LRP1: variants seen among roughly 807,000 people sequenced by gnomAD.
The protein encoded by LRP1 is prolow-density lipoprotein receptor-related protein 1.
In LRP1, 51 loss-of-function variants were observed where a neutral mutation model predicts 541.5. The observed-to-expected ratio is 0.09, with a 90% CI of 0.08 to 0.12. LRP1 has a LOEUF of 0.12. Ranked by LOEUF, LRP1 falls within the 10% of genes least tolerant of loss-of-function variation. LRP1 has a pLI of 1.00. For missense variants in LRP1, 3,878 were observed against 6,376.2 expected, an observed-to-expected ratio of 0.61 and a Z score of 13.34; for synonymous variants, 2,219 against 2,470.8, an observed-to-expected ratio of 0.90 and a Z score of 3.02.
chr12:57,173,389 T>C lies in LRP1; in HGVS notation c.3346+39T>C, dbSNP rs766369936. On this transcript the variant is annotated intron_variant, in intron 21 of 88. Transcript: ENST00000243077. This position sits in a 1 kb window ranked among gnomAD's most constrained non-coding sequence, Gnocchi z 4.7. ...TTGGAGGGCGTCTGGAACAGCACAA[T>C]GTGGGCAGGAGGAGACCGTGTTGAG... is the stretch of plus-strand genomic sequence containing the variant. The C allele has an allele frequency of 3.8e-5, 61 of 1,595,594 alleles. No individual in the cohort carries two copies. The South Asian group carries it at 6.5e-4, about 17-fold the overall frequency.
Position 57,160,819 on chromosome 12 carries a change from C to T in LRP1, c.1980-74C>T. ...CTGTGAGGAGCTCTGGGACAGCACT[C>T]ATGGATTGGGATCACAGGGGAGGCT... is the stretch of plus-strand genomic sequence containing the variant. On this transcript the variant is annotated intron_variant, in intron 12 of 88. Transcript: ENST00000243077. 8 of 1,162,812 alleles carry T rather than the reference C, an allele frequency of 6.9e-6. No homozygotes were observed. The Admixed American group carries it at 7.0e-5, about 10-fold the overall frequency. The allele number at this position is 1,162,812 out of a possible 1,614,324, so 72.0% of individuals were successfully genotyped here. A position where few individuals can be genotyped will look rare whatever the true frequency, so the allele number is the denominator to read the frequency against.
Position 57,128,723 on chromosome 12 carries a change from G to C in LRP1, c.-242G>C. 1 of 418,984 alleles carries C rather than the reference G, an allele frequency of 2.4e-6. No individual in the cohort carries two copies. The highest frequency in any genetic ancestry group is 4.2e-6 in the Non-Finnish European group (1 of 235,318). The allele number at this position is 418,984 out of a possible 1,614,324, so 26.0% of individuals were successfully genotyped here. A position where few individuals can be genotyped will look rare whatever the true frequency, so the allele number is the denominator to read the frequency against. ...AGAGCAGCGAGGAGTGAAGCGGGGG[G>C]GTGGGGTGAAGGGTTTGGATTTCGG... On this transcript the variant is annotated 5_prime_UTR_variant, in exon 1 of 89. Transcript: ENST00000243077.
rs749692161 is a variant in LRP1, at chr12:57,185,464, G to A, written c.6464-67G>A. ...AGGGCAGAGCTTTCGCCAAAGCCTG[G>A]ATGACAAAGGCACCAGTGAGCCTTT... On this transcript the variant is annotated intron_variant, in intron 40 of 88. Coordinates refer to ENST00000243077, the MANE Select transcript of LRP1 (RefSeq NM_002332.3). This position sits in a 1 kb window ranked among gnomAD's most constrained non-coding sequence, Gnocchi z 4.9. 3 of 1,507,166 alleles carry A rather than the reference G, an allele frequency of 2.0e-6. No individual in the cohort carries two copies. The South Asian group carries it at 3.9e-5, about 20-fold the overall frequency. 93.4% of individuals were successfully genotyped at this position (1,507,166 alleles called of 1,614,324 possible).
chr12:57,208,617 G>C, intron 77 of LRP1, 94 bp from the exon 78 acceptor site: 2 of 732,396 alleles, frequency 2.7e-6, no homozygotes, highest in Non-Finnish European at 2.4e-6. Flanking sequence ...GTCCCCAGCA[G>C]TCCCTGTCCC....
chr12:57,177,707 G>A lies in LRP1; in HGVS notation c.4361+116G>A, dbSNP rs1285584518. The stretch of plus-strand genomic sequence containing the variant: ...ACCAAGGGATCTAGAACTAGGAACG[G>A]TGGCAAAGGACTGGGCACAGGAGGA... On this transcript the variant is annotated intron_variant, in intron 26 of 88. Transcript: ENST00000243077. This position sits in a 1 kb window ranked among gnomAD's most constrained non-coding sequence, Gnocchi z 6.8. The A allele has an allele frequency of 7.9e-7, 1 of 1,262,716 alleles. No individual in the cohort carries two copies. The highest frequency in any genetic ancestry group is 1.1e-6 in the Non-Finnish European group (1 of 907,644). The allele number at this position is 1,262,716 out of a possible 1,614,324, so 78.2% of individuals were successfully genotyped here.
Position 57,193,675 on chromosome 12 carries a change from C to T in LRP1, c.7794C>T (p.Ile2598=). The T allele has an allele frequency of 6.2e-7, 1 of 1,614,142 alleles. No individual in the cohort carries two copies. Among genetic ancestry groups the T allele is most frequent in the South Asian group, 1.1e-5 (1 of 91,086 alleles). ...ADDCGDGSDE[I]PCNKTACGVG... is the part of the protein sequence containing the mutation. Reference sequence around the variant, plus strand: ...ACTGTGGGGATGGCTCTGACGAGATCCCTTGCAACAGTGAGTGAGGCGCAC... The same window carrying T: ...ACTGTGGGGATGGCTCTGACGAGATTCCTTGCAACAGTGAGTGAGGCGCAC... Residue 2598 remains isoleucine, a synonymous_variant, in exon 47 of 89, where the codon ATC becomes ATT. Coordinates refer to ENST00000243077, the MANE Select transcript of LRP1 (RefSeq NM_002332.3).
intron 2 of LRP1, among the ~76,000 whole-genome samples, chr12:57,139,613 T>C (rs952664608): frequency 1.8e-4 from 27 of 152,182 alleles, no homozygotes; most frequent in African/African-American, 6.5e-4. Flanking sequence ...CCTCACCTTA[T>C]ATGCATTACC....
intron 3 of LRP1, among the ~76,000 whole-genome samples, chr12:57,142,690 G>T (rs956599371): frequency 6.6e-6 from 1 of 151,982 alleles, no homozygotes; most frequent in Admixed American, 6.5e-5. Flanking sequence ...TACAGAAATC[G>T]GCCTCCTCAT....
chr12:57,166,341 G>T (rs931487410), intron 17 of LRP1, 132 bp downstream of exon 17: 22 of 1,255,104 alleles, frequency 1.8e-5, no homozygotes, highest in Non-Finnish European at 2.4e-5. Context: ...GATCACTTGA[G>T]CCCAGGAGCT....
chr12:57,195,177 G>A, intron 51 of LRP1, 76 bp downstream of exon 51: 8 of 1,588,232 alleles, frequency 5.0e-6, no homozygotes, highest in Non-Finnish European at 6.0e-6. Flanking sequence ...CCCACACACA[G>A]ACACCCCTGC....
At position 57,165,890 on chromosome 12, in the gene LRP1, G is replaced by A. The variant is rs1339894386; in HGVS notation, c.2616G>A (p.Lys872=). ...ANSRCIQERW[K]CDGDNDCLDN... is the part of the protein sequence containing the mutation. ...GCCGCTGCATCCAGGAGCGCTGGAA[G>A]TGTGACGGAGACAACGATTGCCTGG... Residue 872 remains lysine, a synonymous_variant, in exon 16 of 89, where the codon AAG becomes AAA. Transcript: ENST00000243077. The surrounding 1 kb of genome is among the most constrained non-coding windows in gnomAD (Gnocchi z 4.5). 1.2e-6 allele frequency: 2 copies of A among 1,614,252 alleles called. No homozygotes were observed. The highest frequency in any genetic ancestry group is 1.7e-6 in the Non-Finnish European group (2 of 1,180,050).
Position 57,154,456 on chromosome 12 carries a change from A to T in LRP1, c.1005-23A>T. 2 of 1,610,850 alleles carry T rather than the reference A, an allele frequency of 1.2e-6. No individual in the cohort carries two copies. The highest frequency in any genetic ancestry group is 1.7e-6 in the Non-Finnish European group (2 of 1,177,210). On this transcript the variant is annotated intron_variant, in intron 7 of 88. Transcript: ENST00000243077. The surrounding 1 kb of genome is among the most constrained non-coding windows in gnomAD (Gnocchi z 4.6). ...GGAGGGTGCCCAATGTCCAGACCCC[A>T]TTTAACATGCATCTTCCCACAGGAA...
chr12:57,199,782 T>C, intron 61 of LRP1, 95 bp from the exon 62 acceptor site: 1 of 1,425,584 alleles, frequency 7.0e-7, no homozygotes, highest in Non-Finnish European at 9.4e-7. Flanking sequence ...GAGGCAGGGT[T>C]CAGACCCACC....
rs754963165 is a variant in LRP1, at chr12:57,175,692, C to T, written c.3780C>T (p.Ser1260=). 2 of 1,569,468 alleles carry T rather than the reference C, an allele frequency of 1.3e-6. No individual in the cohort carries two copies. The highest frequency in any genetic ancestry group is 3.5e-5 in the Admixed American group (2 of 57,352). The change falls in exon 23 of 89, where the codon AGC becomes AGT. Residue 1260 remains serine (S), a synonymous_variant. Transcript: ENST00000243077. The stretch of plus-strand genomic sequence containing the variant: ...GGGTCCTGGAACCTGACGGCGAGAG[C>T]TGCCGCAGCCTGGGTGAGACAACAG... The part of the protein sequence containing the change: ...EGWVLEPDGE[S]CRSLDPFKPF...
intron 6 of LRP1, among the ~76,000 whole-genome samples, chr12:57,151,407 GC>G (rs2035523272): frequency 6.6e-6 from 1 of 152,032 alleles, no homozygotes; most frequent in South Asian, 2.1e-4. Context: ...CTGCCCCTCT[GC>G]CCCTAGACCA....
Position 57,183,343 on chromosome 12 carries a change from G to A in LRP1, c.5663-36G>A. On this transcript the variant is annotated intron_variant, in intron 34 of 88. Transcript: ENST00000243077. This position sits in a 1 kb window ranked among gnomAD's most constrained non-coding sequence, Gnocchi z 6.1. ...CAGGAACCAAGTTTAAGGGAGTGTT[G>A]GCGATACCCATGCCTTAAGTTTCCT... 6.3e-7 allele frequency: 1 copy of A among 1,585,352 alleles called. No homozygotes were observed. Among genetic ancestry groups the A allele is most frequent in the Non-Finnish European group, 8.6e-7 (1 of 1,158,966 alleles).
rs777304146 is a variant in LRP1, at chr12:57,194,989, G to C, written c.8196G>C (p.Lys2732Asn). 1 of 1,613,694 alleles carries C rather than the reference G, an allele frequency of 6.2e-7. No individual in the cohort carries two copies. The highest frequency in any genetic ancestry group is 1.7e-5 in the Admixed American group (1 of 60,020). ...EHGEDETHCNKFCSEAQFECQ... is the reference protein window; with the variant it reads ...EHGEDETHCNNFCSEAQFECQ... ...TGTGGCTTCTGACTGCCCCAGACAA[G>C]TTCTGCTCAGAGGCCCAGTTTGAGT... is the stretch of plus-strand genomic sequence containing the variant. The change falls in exon 51 of 89, where the codon AAG becomes AAC. Residue 2732 changes from lysine to asparagine, a missense_variant. Transcript: ENST00000243077.
At position 57,178,554 on chromosome 12, in the gene LRP1, C is replaced by T. The variant is rs751495305; in HGVS notation, c.4557C>T (p.Asn1519=). ...ATGTCACCGTGGTACAGAGGACCAA[C>T]ACCCAGCCCTTTGACCTGCAGGTGT... is the stretch of plus-strand genomic sequence containing the variant. The part of the protein sequence containing the change: ...GHNVTVVQRT[N]TQPFDLQVYH... The change falls in exon 27 of 89, where the codon AAC becomes AAT. Residue 1519 remains asparagine, a synonymous_variant. Coordinates refer to ENST00000243077, the MANE Select transcript of LRP1 (RefSeq NM_002332.3). The surrounding 1 kb of genome is among the most constrained non-coding windows in gnomAD (Gnocchi z 5.8). 2.5e-6 allele frequency: 4 copies of T among 1,614,110 alleles called. No individual in the cohort carries two copies. Among genetic ancestry groups the T allele is most frequent in the Admixed American group, 1.7e-5 (1 of 60,012 alleles).
In LRP1 at chr12:57,183,658, T is replaced by C. The variant is rs2036210897; in HGVS notation, c.5795-117T>C. The C allele has an allele frequency of 2.7e-6, 4 of 1,502,296 alleles. No homozygotes were observed. The highest frequency in any genetic ancestry group is 9.0e-7 in the Non-Finnish European group (1 of 1,109,812). The allele number at this position is 1,502,296 out of a possible 1,614,324, so 93.1% of individuals were successfully genotyped here. A position where few individuals can be genotyped will look rare whatever the true frequency, so the allele number is the denominator to read the frequency against. ...CTGCCACCCTGACTCCACCTCCCCTTCAAGCACCTGGCCCCTCCGGCACTC... is the reference window on the plus strand; with the variant it reads ...CTGCCACCCTGACTCCACCTCCCCTCCAAGCACCTGGCCCCTCCGGCACTC... On this transcript the variant is annotated intron_variant, in intron 35 of 88. Coordinates refer to ENST00000243077, the MANE Select transcript of LRP1 (RefSeq NM_002332.3). This position sits in a 1 kb window ranked among gnomAD's most constrained non-coding sequence, Gnocchi z 6.1.
Sources: gnomAD v4.1 joint callset for allele counts (sites outside exome capture counted in the v4.1 genomes callset) on GRCh38, gnomAD v4.1.1 for gene constraint, Gnocchi (gnomAD v3.1) non-coding constraint, MANE v1.5 for transcripts, NCBI Gene and HGNC (gene_info 2026-07-23, HGNC 2026-07-21) for gene names.